Variants in RHBDL3 observed in about 807,000 individuals in gnomAD.
The protein encoded by RHBDL3 is rhomboid like 3.
In RHBDL3, 28 loss-of-function variants were observed where a neutral mutation model predicts 48.2. The ratio of observed to expected loss-of-function variants is 0.58; its 90% CI spans 0.43 to 0.80. The LOEUF (loss-of-function observed/expected upper bound fraction) is 0.80, where lower values mean the gene tolerates loss of function less well. RHBDL3 is among the 30% of genes least tolerant of loss of function. The pLI is 0.00. For missense variants in RHBDL3, 464 were observed against 542.7 expected (o/e 0.85, Z 1.44); for synonymous variants, 208 against 232.3 (o/e 0.90, Z 0.95).
At chr17:32,274,694 C>A (rs879334086) in intron 2 of RHBDL3, among the ~76,000 whole-genome samples, 1 of 152,138 alleles carries the variant, frequency 6.6e-6, no homozygotes, top group Non-Finnish European at 1.5e-5. Context: ...CATAACAAAA[C>A]CCCTTCTCTA....
At chr17:32,285,640 A>G (rs1343543526) in intron 3 of RHBDL3, among the ~76,000 whole-genome samples, 1 of 152,182 alleles carries the variant, frequency 6.6e-6, no homozygotes, top group Non-Finnish European at 1.5e-5. Context: ...CATGGGATGC[A>G]GGTGACATCA....
intron 6 of RHBDL3, among the ~76,000 whole-genome samples, chr17:32,301,612 G>A (rs2040584958): frequency 6.6e-6 from 1 of 151,782 alleles, no homozygotes. Flanking sequence ...CATGAGATGG[G>A]GAGTTTGAGA....
intron 7 of RHBDL3, among the ~76,000 whole-genome samples, chr17:32,309,091 T>C (rs1233284816): frequency 6.6e-6 from 1 of 152,016 alleles, no homozygotes; most frequent in East Asian, 1.9e-4. Flanking sequence ...GCCCTTTCTA[T>C]GGGCCATCAG....
At position 32,284,663 on chromosome 17, in the gene RHBDL3, A is replaced by G; in HGVS notation, c.140A>G (p.Asp47Gly). The change falls in exon 3 of 9, where the codon GAC (aspartate) becomes GGC (glycine). Residue 47 changes from aspartate (D) to glycine (G), a missense_variant. Transcript: ENST00000269051. ...TGCTGTCTGCTTTTCCCTCAGTTTG[A>G]CCCTGGGAACACAGGCTACATTAGC... ...DHWKVLFDQF[D>G]PGNTGYISTG... 1.2e-6 allele frequency: 2 copies of G among 1,613,770 alleles called. No individual in the cohort carries two copies. Among genetic ancestry groups the G allele is most frequent in the Non-Finnish European group, 1.7e-6 (2 of 1,179,816 alleles).
chr17:32,288,597 A>C (rs1436754481), intron 3 of RHBDL3, among the ~76,000 whole-genome samples, 195 bp from the exon 4 acceptor site: 1 of 152,194 alleles, frequency 6.6e-6, no homozygotes, highest in Non-Finnish European at 1.5e-5. Flanking sequence ...AATGAGCCAA[A>C]AGACGTGAAG....
intron 8 of RHBDL3, among the ~76,000 whole-genome samples, chr17:32,320,671 A>G (rs1218996295): frequency 1.3e-5 from 2 of 152,166 alleles, no homozygotes; most frequent in South Asian, 2.1e-4. Context: ...CGGGCTAAAG[A>G]ATTTCCCTCC....
intron 3 of RHBDL3, among the ~76,000 whole-genome samples, chr17:32,286,461 C>T (rs374246542): frequency 2.1e-4 from 32 of 152,300 alleles, no homozygotes; most frequent in Admixed American, 9.2e-4. Context: ...CTAGCAAACC[C>T]GGGTCCTGGT....
chr17:32,319,397 G>A (rs2041056270), intron 8 of RHBDL3, among the ~76,000 whole-genome samples: 1 of 145,998 alleles, frequency 6.8e-6, no homozygotes, highest in Non-Finnish European at 1.5e-5. Flanking sequence ...ACTCCAGCCT[G>A]GGCAATAGAG....
intron 2 of RHBDL3, among the ~76,000 whole-genome samples, chr17:32,273,615 C>T (rs1335881810): frequency 6.6e-6 from 1 of 152,190 alleles, no homozygotes; most frequent in African/African-American, 2.4e-5. Context: ...GTTGTGAAGA[C>T]GGGATGCTGT....
chr17:32,308,400 T>C (rs1297226879), intron 7 of RHBDL3, among the ~76,000 whole-genome samples: 2 of 151,810 alleles, frequency 1.3e-5, no homozygotes, highest in African/African-American at 2.4e-5. Flanking sequence ...CTGGGCAACA[T>C]CTCTACCCAC....
At chr17:32,309,295 G>A (rs1023186323) in intron 7 of RHBDL3, among the ~76,000 whole-genome samples, 3 of 151,886 alleles carry the variant, frequency 2.0e-5, no homozygotes, top group Non-Finnish European at 4.4e-5. Flanking sequence ...GCTCACGCCT[G>A]TAATCCCGGC....
At chr17:32,299,046 G>GT (rs71362825) in intron 6 of RHBDL3, among the ~76,000 whole-genome samples, 78,493 of 141,212 alleles carry the variant, frequency 0.56, 21,725 homozygotes, top group South Asian at 0.59. Context: ...ATTGCCGGCT[G>GT]TTTTTTTTTT....
intron 6 of RHBDL3, among the ~76,000 whole-genome samples, chr17:32,303,178 T>C (rs1484248774): frequency 1.3e-5 from 2 of 152,144 alleles, no homozygotes; most frequent in African/African-American, 4.8e-5. Flanking sequence ...CAGGGGCCCA[T>C]CCCTGCCTGG....
At chr17:32,283,068 G>A (rs183749018) in intron 2 of RHBDL3, among the ~76,000 whole-genome samples, 5 of 152,198 alleles carry the variant, frequency 3.3e-5, no homozygotes, top group Admixed American at 6.5e-5. Context: ...TTGGTATTCC[G>A]GACTCCCTCG....
chr17:32,266,275 A>G lies in RHBDL3; in HGVS notation c.86A>G (p.Glu29Gly). The G allele has an allele frequency of 2.0e-6, 3 of 1,467,512 alleles. No homozygotes were observed. The highest frequency in any genetic ancestry group is 2.7e-6 in the Non-Finnish European group (3 of 1,116,636). The allele number at this position is 1,467,512 out of a possible 1,614,324, so 90.9% of individuals were successfully genotyped here. A position where few individuals can be genotyped will look rare whatever the true frequency, so the allele number is the denominator to read the frequency against. Reference protein sequence around the residue: ...RIEELEPEAEERLPAAPEDHW... With the variant: ...RIEELEPEAEGRLPAAPEDHW... ...GAGGAGCTGGAACCCGAGGCCGAGG[A>G]GCGGCTGCCCGCGGCGCCGGAGGAC... The change falls in exon 1 of 9, where the codon GAG becomes GGG. Residue 29 changes from glutamate (E) to glycine (G), a missense_variant. Transcript: ENST00000269051.
At chr17:32,303,755 G>A (rs2040641909) in intron 6 of RHBDL3, among the ~76,000 whole-genome samples, 1 of 152,094 alleles carries the variant, frequency 6.6e-6, no homozygotes, top group Non-Finnish European at 1.5e-5. Flanking sequence ...CCTTGATGGA[G>A]GTGGGGGCAG....
At chr17:32,284,474 G>A in intron 2 of RHBDL3, 185 bp from the exon 3 acceptor site, 2 of 565,742 alleles carry the variant, frequency 3.5e-6, no homozygotes, top group South Asian at 4.8e-5. Flanking sequence ...AAGGTCTGCA[G>A]GTCCTCCAGG....
At chr17:32,274,812 TTGTGCATGAG>T (rs2039855653) in intron 2 of RHBDL3, among the ~76,000 whole-genome samples, 1 of 80,248 alleles carries the variant, frequency 1.2e-5, no homozygotes, top group Admixed American at 1.0e-4. Flanking sequence ...GCACGTGTGT[TTGTGCATGAG>T]TGTGCATGTG....
intron 2 of RHBDL3, among the ~76,000 whole-genome samples, chr17:32,274,166 G>C (rs1011729349): frequency 6.6e-6 from 1 of 152,236 alleles, no homozygotes; most frequent in African/African-American, 2.4e-5. Flanking sequence ...AAGGAGAGAA[G>C]GTTTTGGACA....
Sources: gnomAD v4.1 joint callset for allele counts (sites outside exome capture counted in the v4.1 genomes callset) on GRCh38, gnomAD v4.1.1 for gene constraint, MANE v1.5 for transcripts, NCBI Gene and HGNC (gene_info 2026-07-23, HGNC 2026-07-21) for gene names.